PLCD1: variants seen among roughly 807,000 people sequenced by gnomAD.
PLCD1 encodes the protein 1-phosphatidylinositol 4,5-bisphosphate phosphodiesterase delta-1.
Under a neutral mutation model 87.4 loss-of-function variants are expected in PLCD1, and 71 were observed. The observed-to-expected ratio is 0.81, with a 90% CI of 0.67 to 0.99. PLCD1 has a LOEUF of 0.99. PLCD1 is among the 50% of genes least tolerant of loss of function. The pLI is 0.00. For missense variants in PLCD1, 867 were observed against 1,001.5 expected, an observed-to-expected ratio of 0.87 and a Z score of 1.81; for synonymous variants, 348 against 399.2, an observed-to-expected ratio of 0.87 and a Z score of 1.53.
intron 5 of PLCD1, 39 bp downstream of exon 5, chr3:38,011,175 C>T: frequency 6.6e-7 from 1 of 1,515,592 alleles, no homozygotes. Context: ...CCAGTGCGGC[C>T]CTGCGACTGC....
chr3:38,016,577 C>A lies in PLCD1; in HGVS notation c.342G>T (p.Ser114=). ...QRNTLDLIAP[S]PADAQHWVLG... is the part of the protein sequence containing the mutation. The stretch of plus-strand genomic sequence containing the variant: ...GCACCCAGTGCTGGGCATCAGCTGG[C>A]GATGGGGCGATGAGGTCTAGTGTAT... Residue 114 remains serine, a synonymous_variant, in exon 3 of 15, where the codon TCG becomes TCT. Transcript: ENST00000334661. 3.7e-6 allele frequency: 6 copies of A among 1,613,882 alleles called. No individual in the cohort carries two copies. The highest frequency in any genetic ancestry group is 5.1e-6 in the Non-Finnish European group (6 of 1,179,832).
chr3:38,019,368 CTCAA>C (rs1156517510), intron 2 of PLCD1, among the ~76,000 whole-genome samples: 1 of 152,200 alleles, frequency 6.6e-6, no homozygotes, highest in Admixed American at 6.5e-5. Context: ...ATTTCAAGGT[CTCAA>C]TCAATAGCCA....
chr3:38,017,466 A>G lies in PLCD1; in HGVS notation c.200-747T>C, dbSNP rs916115694. On this transcript the variant is annotated intron_variant, in intron 2 of 14. Transcript: ENST00000334661. This position sits in a 1 kb window ranked among gnomAD's most constrained non-coding sequence, Gnocchi z 4.7. ...CTGGAGGGTCTCCTGCAGGGTTCTG[A>G]GAGATTACATCATTCTGCCCTTAGG... 6.6e-6 allele frequency among the ~76,000 whole-genome samples: 1 copy of G among 152,114 alleles called. No individual in the cohort carries two copies. The highest frequency in any genetic ancestry group is 6.5e-5 in the Admixed American group (1 of 15,282).
At chr3:38,026,597 T>A (rs1333989365) in intron 1 of PLCD1, among the ~76,000 whole-genome samples, 1 of 152,214 alleles carries the variant, frequency 6.6e-6, no homozygotes, top group African/African-American at 2.4e-5. Flanking sequence ...GCCAAAGTGG[T>A]CTGTGGCACA....
Position 38,009,826 on chromosome 3 carries a change from G to A in PLCD1, c.1288-15C>T. On this transcript the variant is annotated splice_polypyrimidine_tract_variant and intron_variant, in intron 8 of 14. Coordinates refer to ENST00000334661, the MANE Select transcript of PLCD1 (RefSeq NM_006225.4). Reference sequence around the variant, plus strand: ...CCCTTCAGTTGCTAGGTGGGGAGGGGCAACTGGTCAAGACACACCTAGCGC... The same window carrying A: ...CCCTTCAGTTGCTAGGTGGGGAGGGACAACTGGTCAAGACACACCTAGCGC... 1 of 1,613,666 alleles carries A rather than the reference G, an allele frequency of 6.2e-7. No homozygotes were observed. The highest frequency in any genetic ancestry group is 8.5e-7 in the Non-Finnish European group (1 of 1,179,974).
At chr3:38,015,405 T>G (rs1700140306) in intron 3 of PLCD1, among the ~76,000 whole-genome samples, 3 of 152,156 alleles carry the variant, frequency 2.0e-5, no homozygotes, top group Admixed American at 2.0e-4. Flanking sequence ...GAAAGTAGAT[T>G]AGTGGCTGTC....
intron 3 of PLCD1, among the ~76,000 whole-genome samples, chr3:38,014,869 C>T (rs1221568489): frequency 1.3e-5 from 2 of 152,146 alleles, no homozygotes; most frequent in East Asian, 3.8e-4. Context: ...TGGAAAAATG[C>T]TCAATATCAC....
chr3:38,010,243 A>G lies in PLCD1; in HGVS notation c.1025T>C (p.Leu342Pro). The G allele has an allele frequency of 6.2e-7, 1 of 1,614,196 alleles. No homozygotes were observed. The highest frequency in any genetic ancestry group is 8.5e-7 in the Non-Finnish European group (1 of 1,180,030). Residue 342 changes from leucine (L) to proline (P), a missense_variant, in exon 7 of 15, where the codon CTT becomes CCT. Leu to Pro is a moderately conservative substitution (Grantham distance 98). Coordinates refer to ENST00000334661, the MANE Select transcript of PLCD1 (RefSeq NM_006225.4). ...ALCKGCRCLELDCWDGPNQEP... is the reference protein window; with the variant it reads ...ALCKGCRCLEPDCWDGPNQEP... ...CTGGTTGGGCCCGTCCCAGCAGTCA[A>G]GCTCCAGGCATCGGCAGCCTTTGCA...
chr3:38,015,666 C>T (rs575177916), intron 3 of PLCD1, among the ~76,000 whole-genome samples: 3 of 152,296 alleles, frequency 2.0e-5, no homozygotes, highest in Admixed American at 6.5e-5. Flanking sequence ...GCCAGAAGCC[C>T]GACCACTTCG....
At chr3:38,012,031 C>CTTTTT (rs763245915) in intron 3 of PLCD1, among the ~76,000 whole-genome samples, 2,696 of 137,586 alleles carry the variant, frequency 0.02, 113 homozygotes, top group South Asian at 0.065. Flanking sequence ...TTTTCCTTTT[C>CTTTTT]TTTTTTTTTT....
At position 38,024,504 on chromosome 3, in the gene PLCD1, A is replaced by C. The variant is rs1023059821; in HGVS notation, c.35-4152T>G. ...GTGCCGCCTCCAGTGTTTTATGCTC[A>C]CAACACCCTCTGCTCTGGTCCGGGG... On this transcript the variant is annotated intron_variant, in intron 1 of 14. Coordinates refer to ENST00000334661, the MANE Select transcript of PLCD1 (RefSeq NM_006225.4). The C allele has an allele frequency of 1.9e-6, 3 of 1,549,264 alleles. No individual in the cohort carries two copies. The African/African-American group carries it at 4.1e-5, about 21-fold the overall frequency.
At chr3:38,028,651 C>G (rs1336797086) in intron 1 of PLCD1, among the ~76,000 whole-genome samples, 1 of 152,204 alleles carries the variant, frequency 6.6e-6, no homozygotes, top group African/African-American at 2.4e-5. Context: ...GGCAAGTGAC[C>G]TGGGAGGGCA....
Position 38,008,180 on chromosome 3 carries a change from CA to C in PLCD1, c.2036-18del, listed in dbSNP as rs1474708992. The C allele has an allele frequency of 6.2e-7, 1 of 1,613,602 alleles. No individual in the cohort carries two copies. Reference sequence around the variant, plus strand: ...GGTTGAAACCTAGGGGGACAGGCACCATATCAGCAGCATGGACACCAGCCCT... The same window carrying C: ...GGTTGAAACCTAGGGGGACAGGCACCTATCAGCAGCATGGACACCAGCCCT... On this transcript the variant is annotated intron_variant, in intron 13 of 14. Transcript: ENST00000334661.
At chr3:38,020,140 A>T (rs955111583) in intron 2 of PLCD1, 48 bp downstream of exon 2, 4 of 1,537,528 alleles carry the variant, frequency 2.6e-6, no homozygotes, top group Non-Finnish European at 3.6e-6. Context: ...CCCAGCCCTG[A>T]GCAGATTCCA....
chr3:38,027,005 G>C (rs1308252524), intron 1 of PLCD1, among the ~76,000 whole-genome samples: 1 of 152,132 alleles, frequency 6.6e-6, no homozygotes, highest in Non-Finnish European at 1.5e-5. Context: ...TATGTGGGGG[G>C]TGTTCAGTGA....
intron 1 of PLCD1, among the ~76,000 whole-genome samples, chr3:38,022,522 G>A (rs1559377666): frequency 6.6e-6 from 1 of 152,228 alleles, no homozygotes; most frequent in Non-Finnish European, 1.5e-5. Flanking sequence ...TGGGAGCCAG[G>A]AAGTAGAAGT....
rs554990956 is a variant in PLCD1, at chr3:38,022,646, C to T, written c.35-2294G>A. ...CAGGCAGAGATAAACCCCCAGCTGC[C>T]AACAATGGTTTCTAAAAGGTGGACA... On this transcript the variant is annotated intron_variant, in intron 1 of 14. Coordinates refer to ENST00000334661, the MANE Select transcript of PLCD1 (RefSeq NM_006225.4). 2.0e-5 allele frequency among the ~76,000 whole-genome samples: 3 copies of T among 152,262 alleles called. No individual in the cohort carries two copies. The South Asian group carries it at 6.2e-4, about 32-fold the overall frequency.
rs1700077524 is a variant in PLCD1 at position 38,011,532 on chromosome 3, T to C, written c.558+12A>G. 1.9e-6 allele frequency: 3 copies of C among 1,614,120 alleles called. No homozygotes were observed. Among genetic ancestry groups the C allele is most frequent in the African/African-American group, 1.3e-5 (1 of 75,070 alleles). On this transcript the variant is annotated intron_variant, in intron 4 of 14. Transcript: ENST00000334661. ...ATGGACAGGCAGCCCCAGCCCCCAC[T>C]TCCTGCCTCACCCTGAAGATCTTCC...
rs1700039943 is a variant in PLCD1, at chr3:38,009,842, C to T, written c.1288-31G>A. ...TGGGGAGGGGCAACTGGTCAAGACA[C>T]ACCTAGCGCCCCGGCTAGGCTCCCC... On this transcript the variant is annotated intron_variant, in intron 8 of 14. Transcript: ENST00000334661. 5.6e-6 allele frequency: 9 copies of T among 1,613,050 alleles called. No individual in the cohort carries two copies. The East Asian group carries it at 2.0e-4, about 36-fold the overall frequency.
Sources: gnomAD v4.1 joint callset for allele counts (sites outside exome capture counted in the v4.1 genomes callset) on GRCh38, gnomAD v4.1.1 for gene constraint, Gnocchi (gnomAD v3.1) non-coding constraint, MANE v1.5 for transcripts, NCBI Gene and HGNC (gene_info 2026-07-23, HGNC 2026-07-21) for gene names.